The following APOO variants were observed in gnomAD, a reference collection of about 807,000 sequenced individuals.
APOO encodes the protein apolipoprotein O, also known as MICOS complex subunit MIC26.
A neutral mutation model predicts 23.1 loss-of-function variants in APOO; 11 were observed. That is an observed-to-expected ratio of 0.48 (90% CI 0.30 to 0.79). The LOEUF (loss-of-function observed/expected upper bound fraction) is 0.79, where lower values mean the gene tolerates loss of function less well. APOO is among the 30% of genes least tolerant of loss of function. The pLI is 0.07. For missense variants in APOO, 160 were observed against 142.7 expected (o/e 1.12, Z -0.62); for synonymous variants, 59 against 54.8 (o/e 1.08, Z -0.34).
intron 7 of APOO, among the ~76,000 whole-genome samples, chrX:23,844,960 T>G (rs1028715013): frequency 1.8e-5 from 2 of 111,845 alleles, no homozygotes; most frequent in Non-Finnish European, 3.8e-5. Flanking sequence ...GTTCCTCACA[T>G]GAGATAACCT....
chrX:23,888,102 A>T (rs1027467208), intron 1 of APOO, among the ~76,000 whole-genome samples: 6 of 112,241 alleles, frequency 5.3e-5, no homozygotes, highest in African/African-American at 1.6e-4. Context: ...CCTACTCCCC[A>T]GCAAAGTATC....
rs748623374 is a variant in APOO, at chrX:23,868,599, C to T, written c.382G>A (p.Ala128Thr). ...GFAGLIGLLL[A>T]RGSKIKKLVY... The stretch of plus-strand genomic sequence containing the variant: ...GCCATAAAATTGCACCTACCTCTAG[C>T]CAAAAGGAGTCCAATAAGGCCAGCA... The change falls in exon 5 of 9, where the codon GCT becomes ACT. Residue 128 changes from alanine (A) to threonine (T), a missense_variant. By Grantham distance (58) the Ala-to-Thr change is moderately conservative (BLOSUM62 0). Transcript: ENST00000379226. 8.3e-7 allele frequency: 1 copy of T among 1,203,420 alleles called. No individual in the cohort carries two copies. The highest frequency in any genetic ancestry group is 2.2e-5 in the Admixed American group (1 of 45,268).
At chrX:23,849,784 C>T (rs182302216) in intron 7 of APOO, among the ~76,000 whole-genome samples, 4 of 106,621 alleles carry the variant, frequency 3.8e-5, no homozygotes, top group South Asian at 4.3e-4. Flanking sequence ...CCCAGCTACT[C>T]GCGAGGCTGA....
chrX:23,867,266 C>T (rs1394389407), intron 5 of APOO, among the ~76,000 whole-genome samples: 1 of 111,534 alleles, frequency 9.0e-6, no homozygotes, highest in African/African-American at 3.3e-5. Flanking sequence ...AAATGTGAAC[C>T]CCCACGCTGG....
intron 1 of APOO, among the ~76,000 whole-genome samples, chrX:23,902,854 C>T (rs773640245): frequency 3.0e-4 from 33 of 111,206 alleles, no homozygotes; most frequent in Admixed American, 7.7e-4. Flanking sequence ...ATCAATCCTA[C>T]CGTTTACTCC....
chrX:23,844,235 A>G (rs1924130441), intron 7 of APOO, among the ~76,000 whole-genome samples: 2 of 111,902 alleles, frequency 1.8e-5, no homozygotes, highest in Admixed American at 1.9e-4. Context: ...GATGAAGAAA[A>G]TAAAAGGTAA....
chrX:23,888,363 A>T (rs1926465459), intron 1 of APOO, among the ~76,000 whole-genome samples: 1 of 111,857 alleles, frequency 8.9e-6, no homozygotes, highest in African/African-American at 3.2e-5. Context: ...AAGGTTATAT[A>T]TAACAATTAG....
At chrX:23,842,380 C>A (rs1337766735) in intron 7 of APOO, among the ~76,000 whole-genome samples, 1 of 111,537 alleles carries the variant, frequency 9.0e-6, no homozygotes, top group African/African-American at 3.3e-5. Context: ...CAGAGTGAGA[C>A]CCTGTCTCAA....
Position 23,840,257 on chromosome X carries a change from C to T in APOO, c.*29+56G>A, listed in dbSNP as rs375112052. 1.8e-4 allele frequency: 123 copies of T among 683,863 alleles called. 3 individuals carry two copies. In the East Asian group the frequency reaches 1.9e-3, roughly 10 times the overall value. The allele number at this position is 683,863 out of a possible 1,213,427, so 56.4% of individuals were successfully genotyped here. On this transcript the variant is annotated intron_variant, in intron 8 of 8. Transcript: ENST00000379226. ...TAAATTAAATTAATTAAAAACAAGT[C>T]ATTTCAGCTGGCACTACAATGCTGA... is the stretch of plus-strand genomic sequence containing the variant.
intron 2 of APOO, among the ~76,000 whole-genome samples, chrX:23,879,241 G>C (rs1239104614): frequency 9.0e-6 from 1 of 111,599 alleles, no homozygotes; most frequent in African/African-American, 3.3e-5. Flanking sequence ...TTCGAGACCA[G>C]CCTAGCCAAC....
At chrX:23,882,127 G>A (rs1926174455) in intron 1 of APOO, among the ~76,000 whole-genome samples, 2 of 111,022 alleles carry the variant, frequency 1.8e-5, no homozygotes, top group Non-Finnish European at 1.9e-5. Flanking sequence ...AATCTGTATC[G>A]TGGAAGCAAA....
chrX:23,892,144 C>T (rs771753177), intron 1 of APOO, among the ~76,000 whole-genome samples: 3 of 109,228 alleles, frequency 2.7e-5, no homozygotes, highest in Admixed American at 2.0e-4. Context: ...AGTGAAGTGG[C>T]GCAATCTCGG....
chrX:23,836,209 C>G (rs761246434), intron 8 of APOO, among the ~76,000 whole-genome samples: 3 of 113,056 alleles, frequency 2.7e-5, no homozygotes, highest in African/African-American at 9.6e-5. Flanking sequence ...TCTTGGCTCA[C>G]TGCAACCTCT....
intron 3 of APOO, among the ~76,000 whole-genome samples, chrX:23,877,698 C>T (rs866142352): frequency 9.3e-6 from 1 of 107,796 alleles, no homozygotes; most frequent in Non-Finnish European, 1.9e-5. Context: ...TGCTTGAACC[C>T]GGGAGGTGGA....
intron 1 of APOO, among the ~76,000 whole-genome samples, chrX:23,897,994 C>CA (rs1159982523): frequency 0.026 from 981 of 38,147 alleles, 19 homozygotes; most frequent in African/African-American, 0.066. Context: ...GATTCTGTCT[C>CA]AAAAAAAAAA....
At position 23,837,958 on chromosome X, in the gene APOO, CCTATCTATCTATCTAT is replaced by C. The variant is rs76055034; in HGVS notation, c.*29+2339_*29+2354del. Among the ~76,000 whole-genome samples, 86 of 94,981 alleles carry C rather than the reference CCTATCTATCTATCTAT, an allele frequency of 9.1e-4. 1 individual carries two copies. The East Asian group carries it at 0.013, about 15-fold the overall frequency. 82.5% of individuals were successfully genotyped at this position (94,981 alleles called of 115,157 possible). A position where few individuals can be genotyped will look rare whatever the true frequency, so the allele number is the denominator to read the frequency against. ...TACAGGTGTGAGCCACTGCACCCGG[CCTATCTATCTATCTAT>C]CTATCTATCTATCTATCTATCTATC... On this transcript the variant is annotated intron_variant, in intron 8 of 8. Coordinates refer to ENST00000379226, the MANE Select transcript of APOO (RefSeq NM_024122.5).
At chrX:23,851,666 A>G (rs1414985508) in intron 7 of APOO, among the ~76,000 whole-genome samples, 2 of 112,472 alleles carry the variant, frequency 1.8e-5, no homozygotes, top group Non-Finnish European at 3.8e-5. Flanking sequence ...AGTTCTGACA[A>G]AAAGTTCATT....
chrX:23,881,992 C>T (rs1926168630), intron 1 of APOO, among the ~76,000 whole-genome samples: 1 of 104,198 alleles, frequency 9.6e-6, no homozygotes, highest in Non-Finnish European at 1.9e-5. Context: ...ACCCCTCCTG[C>T]GAAGGCCGTG....
intron 1 of APOO, among the ~76,000 whole-genome samples, chrX:23,889,801 A>G (rs1926557972): frequency 9.2e-6 from 1 of 108,620 alleles, no homozygotes; most frequent in Non-Finnish European, 1.9e-5. Context: ...AGCTGGGACT[A>G]CAGGCACCAG....
Sources: gnomAD v4.1 joint callset for allele counts (sites outside exome capture counted in the v4.1 genomes callset) on GRCh38, gnomAD v4.1.1 for gene constraint, MANE v1.5 for transcripts, NCBI Gene and HGNC (gene_info 2026-07-23, HGNC 2026-07-21) for gene names.